Variants in BCKDHB observed in about 807,000 individuals in gnomAD.
The protein encoded by BCKDHB is branched chain keto acid dehydrogenase E1 subunit beta, also known as 2-oxoisovalerate dehydrogenase subunit beta, mitochondrial.
In BCKDHB, 41 loss-of-function variants were observed where a neutral mutation model predicts 48.5. The observed-to-expected ratio is 0.85, with a 90% CI of 0.66 to 1.10. The LOEUF (loss-of-function observed/expected upper bound fraction) is 1.10. Ranked by LOEUF, BCKDHB falls within the 50% of genes least tolerant of loss-of-function variation. BCKDHB has a pLI of 0.00. For missense variants in BCKDHB, 496 were observed against 494.2 expected (o/e 1.00, Z -0.03); for synonymous variants, 201 against 174.8 (o/e 1.15, Z -1.18).
chr6:80,415,796 G>A, the BCKDHB span, among the ~76,000 whole-genome samples: 1 of 151,914 alleles, frequency 6.6e-6, no homozygotes, highest in Non-Finnish European at 1.5e-5. Context: ...AGAATGAGTT[G>A]GGTAGGAGTC....
chr6:80,377,519 T>C, the BCKDHB span, among the ~76,000 whole-genome samples: 2 of 152,186 alleles, frequency 1.3e-5, no homozygotes, highest in Non-Finnish European at 2.9e-5. Flanking sequence ...AGTTAATTTC[T>C]TTATATAGTA....
At chr6:80,180,652 T>A (rs1280878122) in intron 6 of BCKDHB, among the ~76,000 whole-genome samples, 1 of 152,176 alleles carries the variant, frequency 6.6e-6, no homozygotes, top group Non-Finnish European at 1.5e-5. Flanking sequence ...TAGGACATAA[T>A]GATATTGAGG....
At chr6:80,426,970 T>A in the BCKDHB span, among the ~76,000 whole-genome samples, 2 of 152,128 alleles carry the variant, frequency 1.3e-5, no homozygotes, top group Admixed American at 1.3e-4. Flanking sequence ...TTTTCTCAGT[T>A]CCATTAATAT....
the BCKDHB span, among the ~76,000 whole-genome samples, chr6:80,420,926 G>A: frequency 2.0e-5 from 3 of 152,180 alleles, no homozygotes; most frequent in Non-Finnish European, 4.4e-5. Context: ...CTTGGGGGAT[G>A]AGTGACATGT....
At chr6:80,412,043 C>G in the BCKDHB span, among the ~76,000 whole-genome samples, 1 of 152,212 alleles carries the variant, frequency 6.6e-6, no homozygotes, top group Non-Finnish European at 1.5e-5. Context: ...CTGCATCAAT[C>G]TCACTGGGAG....
chr6:80,361,788 A>T, the BCKDHB span, among the ~76,000 whole-genome samples: 1 of 152,162 alleles, frequency 6.6e-6, no homozygotes. Context: ...AGGGATTGTC[A>T]CGTTTCCATC....
chr6:80,462,328 T>A, the BCKDHB span, among the ~76,000 whole-genome samples: 1 of 152,232 alleles, frequency 6.6e-6, no homozygotes, highest in Non-Finnish European at 1.5e-5. Flanking sequence ...TCTTTCTCAA[T>A]AGTTGGTACA....
chr6:80,181,241 T>C (rs965641894), intron 6 of BCKDHB, among the ~76,000 whole-genome samples: 5 of 152,226 alleles, frequency 3.3e-5, no homozygotes, highest in African/African-American at 4.8e-5. Flanking sequence ...ATTTAATTTC[T>C]TCTTTTTAAA....
chr6:80,422,779 A>G, the BCKDHB span, among the ~76,000 whole-genome samples: 1 of 152,190 alleles, frequency 6.6e-6, no homozygotes, highest in Non-Finnish European at 1.5e-5. Context: ...GAATGGGAAC[A>G]TTTACCCAAT....
At chr6:80,257,600 T>G (rs684283) in intron 8 of BCKDHB, among the ~76,000 whole-genome samples, 50,206 of 151,796 alleles carry the variant, frequency 0.33, 8,885 homozygotes, top group Non-Finnish European at 0.41. Context: ...TATGTGCTTA[T>G]CGAGGCTGAG....
the BCKDHB span, among the ~76,000 whole-genome samples, chr6:80,380,402 G>T: frequency 1.3e-5 from 2 of 151,920 alleles, no homozygotes. Flanking sequence ...GATAAAGCTG[G>T]ATCCCTCTCT....
At chr6:80,307,151 G>A (rs1315621856) in intron 9 of BCKDHB, among the ~76,000 whole-genome samples, 1 of 152,160 alleles carries the variant, frequency 6.6e-6, no homozygotes, top group Non-Finnish European at 1.5e-5. Flanking sequence ...TGGCCTTGAA[G>A]AAACAGCTTT....
At chr6:80,308,924 C>T (rs1207142870) in intron 9 of BCKDHB, among the ~76,000 whole-genome samples, 1 of 152,006 alleles carries the variant, frequency 6.6e-6, no homozygotes, top group Non-Finnish European at 1.5e-5. Flanking sequence ...CATGTATATA[C>T]CTACCACACA....
chr6:80,462,458 G>A, the BCKDHB span, among the ~76,000 whole-genome samples: 1 of 152,154 alleles, frequency 6.6e-6, no homozygotes, highest in East Asian at 1.9e-4. Flanking sequence ...CATCAGATGA[G>A]GATTTCTGGG....
the BCKDHB span, among the ~76,000 whole-genome samples, chr6:80,417,569 A>G: frequency 6.6e-6 from 1 of 152,150 alleles, no homozygotes; most frequent in Non-Finnish European, 1.5e-5. Context: ...CTTGTCTGCA[A>G]AAGATCTTAT....
chr6:80,387,724 A>G, the BCKDHB span, among the ~76,000 whole-genome samples: 1 of 152,256 alleles, frequency 6.6e-6, no homozygotes, highest in Admixed American at 6.5e-5. Flanking sequence ...AAGGCCAGCA[A>G]TATACTGTTA....
chr6:80,406,884 G>T, the BCKDHB span, among the ~76,000 whole-genome samples: 9 of 152,198 alleles, frequency 5.9e-5, no homozygotes, highest in South Asian at 1.7e-3. Context: ...GTCTATTTTG[G>T]CTTTTGTTGC....
At chr6:80,158,925 C>G (rs930152010) in intron 3 of BCKDHB, among the ~76,000 whole-genome samples, 1 of 152,162 alleles carries the variant, frequency 6.6e-6, no homozygotes, top group Non-Finnish European at 1.5e-5. Context: ...ACCTTGATGA[C>G]AGGATTGCTT....
the BCKDHB span, among the ~76,000 whole-genome samples, chr6:80,414,569 T>C: frequency 1.3e-5 from 2 of 152,256 alleles, no homozygotes; most frequent in East Asian, 1.9e-4. Context: ...CAGATAGTTG[T>C]AAGGGTGCAG....
Sources: gnomAD v4.1 joint callset for allele counts (sites outside exome capture counted in the v4.1 genomes callset) on GRCh38, gnomAD v4.1.1 for gene constraint, MANE v1.5 for transcripts, NCBI Gene and HGNC (gene_info 2026-07-23, HGNC 2026-07-21) for gene names.